The following GSDMB variants were observed in gnomAD, a reference collection of about 807,000 sequenced individuals.
GSDMB encodes gasdermin B, also known as gasdermin-B.
In GSDMB, 32 loss-of-function variants were observed where a neutral mutation model predicts 42.9. That is an observed-to-expected ratio of 0.75 (90% confidence interval 0.56 to 1.00). The LOEUF (loss-of-function observed/expected upper bound fraction) is 1.00. GSDMB is among the 50% of genes least tolerant of loss of function. GSDMB has a pLI of 0.00. For missense variants in GSDMB, 468 were observed against 498.5 expected (o/e 0.94, Z 0.58); for synonymous variants, 175 against 193.7 (o/e 0.90, Z 0.80).
At chr17:39,905,578 A>G (rs2063489808) in intron 9 of GSDMB, 82 bp from the exon 10 acceptor site, 16 of 1,172,830 alleles carry the variant, frequency 1.4e-5, no homozygotes, top group Non-Finnish European at 2.0e-5. Flanking sequence ...CAGAACATGT[A>G]TCATCAAAAG....
At chr17:39,910,447 T>A (rs1237040216) in intron 3 of GSDMB, among the ~76,000 whole-genome samples, 3 of 152,188 alleles carry the variant, frequency 2.0e-5, no homozygotes, top group African/African-American at 7.2e-5. Flanking sequence ...GTAGGCAGAA[T>A]TACGTCCACT....
chr17:39,909,116 T>A lies in GSDMB; in HGVS notation c.577-74A>T, dbSNP rs1483014072. 3.6e-6 allele frequency: 3 copies of A among 843,026 alleles called. No homozygotes were observed. In the African/African-American group the frequency reaches 5.3e-5, roughly 15 times the overall value. The allele number at this position is 843,026 out of a possible 1,614,324, so 52.2% of individuals were successfully genotyped here. A position where few individuals can be genotyped will look rare whatever the true frequency, so the allele number is the denominator to read the frequency against. On this transcript the variant is annotated intron_variant, in intron 4 of 10. Transcript: ENST00000418519. ...TTATCTTGCCTGATCTCCCAAACAA[T>A]CCTGTGAGGCAGTCATTTGTATCCC...
At chr17:39,907,273 G>T (rs2063521988) in intron 6 of GSDMB, 1 of 1,117,254 alleles carries the variant, frequency 9.0e-7, no homozygotes, top group East Asian at 4.2e-5. Context: ...GCAAATTTGG[G>T]TCAGACTTCT....
At chr17:39,906,485 C>A (rs111655187) in intron 7 of GSDMB, 38,943 of 1,145,748 alleles carry the variant, frequency 0.034, 768 homozygotes, top group Non-Finnish European at 0.039. Context: ...CCCCAGCTCA[C>A]CCCCAGTCTA....
At chr17:39,913,535 C>T (rs535461778) in intron 2 of GSDMB, among the ~76,000 whole-genome samples, 29 of 152,138 alleles carry the variant, frequency 1.9e-4, no homozygotes, top group Non-Finnish European at 3.7e-4. Context: ...ATCGCTTGAA[C>T]CTGGGAGGCA....
In GSDMB at chr17:39,904,965, C is replaced by T. The variant is rs1568100129; in HGVS notation, c.1099-1G>A. 1.2e-6 allele frequency: 2 copies of T among 1,613,206 alleles called. No homozygotes were observed. Among genetic ancestry groups the T allele is most frequent in the East Asian group, 4.5e-5 (2 of 44,878 alleles). On this transcript the variant is annotated splice_acceptor_variant, in intron 10 of 10. Coordinates refer to ENST00000418519, the MANE Select transcript of GSDMB (RefSeq NM_001165958.2). LOFTEE classifies it high-confidence loss of function. ...AGTTCTGCTCCATGACAGATTTCAC[C>T]TGGAAGGAAACCCCCCAGATTGTAA... is the stretch of plus-strand genomic sequence containing the variant.
rs144700582 is a variant in GSDMB, at chr17:39,917,164, G to A, written c.153C>T (p.His51=). Residue 51 remains histidine (H), a synonymous_variant, in exon 2 of 11, where the codon CAC becomes CAT. Transcript: ENST00000418519. ...CCATCAGGGTGAGGCCTGTTGTGTA[G>A]TGCCGGCATCCAAAGAAAGTTCTCT... The part of the protein sequence containing the change: ...GEKRTFFGCR[H]YTTGLTLMDI... The A allele has an allele frequency of 4.3e-5, 70 of 1,614,008 alleles. No individual in the cohort carries two copies. Among genetic ancestry groups the A allele is most frequent in the East Asian group, 6.7e-5 (3 of 44,904 alleles).
At chr17:39,905,546 G>A (rs551888407) in intron 9 of GSDMB, 50 bp from the exon 10 acceptor site, 2 of 1,396,920 alleles carry the variant, frequency 1.4e-6, no homozygotes, top group East Asian at 4.6e-5. Context: ...GGTGGGACAG[G>A]GCCTCAGTGG....
chr17:39,907,148 CTG>C, intron 6 of GSDMB, 161 bp from the exon 7 acceptor site: 2 of 1,464,086 alleles, frequency 1.4e-6, no homozygotes, highest in Non-Finnish European at 1.8e-6. Flanking sequence ...TGGGAAAGCA[CTG>C]TATTTGCAGA....
intron 3 of GSDMB, among the ~76,000 whole-genome samples, chr17:39,911,458 A>G (rs778245460): frequency 2.0e-4 from 31 of 152,248 alleles, no homozygotes; most frequent in Non-Finnish European, 4.1e-4. Context: ...GAAAACAACA[A>G]CAGAACTATT....
intron 2 of GSDMB, among the ~76,000 whole-genome samples, chr17:39,914,769 A>AAG (rs1264101034): frequency 6.6e-6 from 1 of 151,692 alleles, no homozygotes; most frequent in African/African-American, 2.4e-5. Flanking sequence ...CTCAAAAAAA[A>AAG]AAAAAAAAAA....
Position 39,909,892 on chromosome 17 carries a change from C to A in GSDMB, c.440G>T (p.Arg147Leu), listed in dbSNP as rs147293765. The stretch of plus-strand genomic sequence containing the variant: ...CAGGTTTTCTCTCGTATTAATTGAT[C>A]GGAATGAAAAGGGTAGTTCCCTCTT... ...KLKRELPFSF[R>L]SINTRENLYL... Residue 147 changes from arginine (R) to leucine (L), a missense_variant, in exon 4 of 11, where the codon CGA becomes CTA. Arg to Leu is a moderately radical substitution (Grantham distance 102). Coordinates refer to ENST00000418519, the MANE Select transcript of GSDMB (RefSeq NM_001165958.2). 4 of 1,613,564 alleles carry A rather than the reference C, an allele frequency of 2.5e-6. No homozygotes were observed. The highest frequency in any genetic ancestry group is 2.7e-5 in the African/African-American group (2 of 74,878).
intron 3 of GSDMB, 140 bp from the exon 4 acceptor site, chr17:39,910,064 C>A: frequency 1.5e-6 from 1 of 689,642 alleles, no homozygotes; most frequent in Non-Finnish European, 2.5e-6. Flanking sequence ...AGCACCCCAT[C>A]GCAGTTCACT....
Position 39,905,409 on chromosome 17 carries a change from A to G in GSDMB, c.1098+17T>C, listed in dbSNP as rs2063485912. 4.5e-6 allele frequency: 7 copies of G among 1,572,134 alleles called. No individual in the cohort carries two copies. The East Asian group carries it at 1.6e-4, about 35-fold the overall frequency. ...CCCTTCCACTATGACCATGGCCCTC[A>G]GCCCAGGCTGTCTCACCTGGTCCTT... On this transcript the variant is annotated intron_variant, in intron 10 of 10. Transcript: ENST00000418519.
At chr17:39,911,220 G>A (rs1487216786) in intron 3 of GSDMB, among the ~76,000 whole-genome samples, 1 of 151,668 alleles carries the variant, frequency 6.6e-6, no homozygotes, top group Non-Finnish European at 1.5e-5. Context: ...CTCCTCGGGA[G>A]GTTGAGGCAG....
At chr17:39,908,848 A>C in intron 5 of GSDMB, 110 bp downstream of exon 5, 3 of 733,554 alleles carry the variant, frequency 4.1e-6, no homozygotes. Context: ...CCCAACCTCC[A>C]AGCTCACCAG....
At chr17:39,909,978 C>T (rs2063578730) in intron 3 of GSDMB, 54 bp from the exon 4 acceptor site, 2 of 1,372,670 alleles carry the variant, frequency 1.5e-6, no homozygotes, top group Admixed American at 1.8e-5. Context: ...TTACCTCCCA[C>T]TGACTCTTTT....
chr17:39,904,891 G>A lies in GSDMB; in HGVS notation c.1172C>T (p.Ala391Val). 9 of 1,613,106 alleles carry A rather than the reference G, an allele frequency of 5.6e-6. No individual in the cohort carries two copies. The highest frequency in any genetic ancestry group is 7.6e-6 in the Non-Finnish European group (9 of 1,179,170). Reference protein sequence around the residue: ...SPPDMDYDPEARILCALYVVV... With the variant: ...SPPDMDYDPEVRILCALYVVV... ...AACATACAGCGCACAGAGAATTCGTGCCTCAGGGTCATAGTCCATGTCAGG... is the reference window on the plus strand; with the variant it reads ...AACATACAGCGCACAGAGAATTCGTACCTCAGGGTCATAGTCCATGTCAGG... Residue 391 changes from alanine to valine, a missense_variant, in exon 11 of 11, where the codon GCA becomes GTA. Ala to Val is a moderately conservative substitution (Grantham distance 64). Coordinates refer to ENST00000418519, the MANE Select transcript of GSDMB (RefSeq NM_001165958.2).
At chr17:39,915,845 G>C (rs565766518) in intron 2 of GSDMB, among the ~76,000 whole-genome samples, 14 of 152,112 alleles carry the variant, frequency 9.2e-5, no homozygotes, top group African/African-American at 1.7e-4. Flanking sequence ...AGGGCTGTTA[G>C]AGCTCTTTTC....
Sources: gnomAD v4.1 joint callset for allele counts (sites outside exome capture counted in the v4.1 genomes callset) on GRCh38, gnomAD v4.1.1 for gene constraint, MANE v1.5 for transcripts, NCBI Gene and HGNC (gene_info 2026-07-23, HGNC 2026-07-21) for gene names.